MAN1A1: variants seen among roughly 807,000 people sequenced by gnomAD.
The protein encoded by MAN1A1 is mannosyl-oligosaccharide 1,2-alpha-mannosidase IA.
In MAN1A1, 29 loss-of-function variants were observed where a neutral mutation model predicts 70.8. The observed-to-expected ratio is 0.41, with a 90% CI of 0.31 to 0.56. MAN1A1 has a LOEUF of 0.56. Ranked by LOEUF, MAN1A1 falls within the 20% of genes least tolerant of loss-of-function variation. The pLI is 0.29. For synonymous variants in MAN1A1, 349 were observed against 330.1 expected, an observed-to-expected ratio of 1.06 and a Z score of -0.62; for missense variants, 747 against 841.3, an observed-to-expected ratio of 0.89 and a Z score of 1.39.
chr6:119,346,096 ACT>A (rs1773720072), intron 2 of MAN1A1, among the ~76,000 whole-genome samples: 1 of 152,324 alleles, frequency 6.6e-6, no homozygotes, highest in Non-Finnish European at 1.5e-5. Flanking sequence ...ACAGAGCCAG[ACT>A]CTGTCTCCAA....
At chr6:119,335,724 C>T (rs563526044) in intron 2 of MAN1A1, among the ~76,000 whole-genome samples, 1 of 152,274 alleles carries the variant, frequency 6.6e-6, no homozygotes, top group East Asian at 1.9e-4. Context: ...GGATTTTGAG[C>T]AAGTGAGAAG....
rs1773097596 is a variant in MAN1A1 at position 119,179,762 on chromosome 6, G to A, written c.*57C>T. ...ATCATGTGCCTGATTACCAGAAAAG[G>A]AATTATTAAGGTATACAGTGAAGGG... On this transcript the variant is annotated 3_prime_UTR_variant, in exon 13 of 13. Transcript: ENST00000368468. 1 of 1,487,546 alleles carries A rather than the reference G, an allele frequency of 6.7e-7. No individual in the cohort carries two copies. The highest frequency in any genetic ancestry group is 1.4e-5 in the African/African-American group (1 of 71,578). 92.1% of individuals were successfully genotyped at this position (1,487,546 alleles called of 1,614,324 possible).
chr6:119,224,901 G>A (rs1290911886), intron 6 of MAN1A1, among the ~76,000 whole-genome samples: 7 of 152,140 alleles, frequency 4.6e-5, no homozygotes, highest in African/African-American at 1.7e-4. Flanking sequence ...GGCCGAGGTG[G>A]ACAGATCACA....
intron 5 of MAN1A1, among the ~76,000 whole-genome samples, chr6:119,265,808 T>C (rs761310822): frequency 2.0e-5 from 3 of 152,124 alleles, no homozygotes; most frequent in African/African-American, 7.2e-5. Flanking sequence ...ATAAAAGGTA[T>C]ACTGATTAGG....
intron 4 of MAN1A1, among the ~76,000 whole-genome samples, chr6:119,291,114 C>T (rs553289512): frequency 1.1e-4 from 16 of 152,026 alleles, no homozygotes; most frequent in African/African-American, 9.6e-5. Flanking sequence ...GGGATGGACC[C>T]GGTGGGAGAT....
intron 2 of MAN1A1, among the ~76,000 whole-genome samples, chr6:119,315,149 A>AAC (rs1562238998): frequency 6.6e-6 from 1 of 151,956 alleles, no homozygotes. Flanking sequence ...CTGAGTGGAG[A>AAC]ATATATATAT....
At chr6:119,307,026 G>C (rs1772552473) in intron 2 of MAN1A1, 34 bp from the exon 3 acceptor site, 1 of 1,409,734 alleles carries the variant, frequency 7.1e-7, no homozygotes, top group African/African-American at 1.4e-5. Flanking sequence ...ATTATAATTT[G>C]AATGGAGATG....
chr6:119,306,289 T>A (rs1390874868), intron 3 of MAN1A1, among the ~76,000 whole-genome samples: 4 of 152,196 alleles, frequency 2.6e-5, no homozygotes, highest in Non-Finnish European at 5.9e-5. Flanking sequence ...ACCCTTGTGT[T>A]ACTTAGCTTC....
intron 5 of MAN1A1, among the ~76,000 whole-genome samples, chr6:119,274,396 AAGTGCTTTTTGG>A (rs1389064045): frequency 6.6e-6 from 1 of 152,168 alleles, no homozygotes; most frequent in Non-Finnish European, 1.5e-5. Context: ...AGCTATTTCT[AAGTGCTTTTTGG>A]AGTTCTCTAA....
intron 5 of MAN1A1, among the ~76,000 whole-genome samples, chr6:119,277,542 C>T (rs916661213): frequency 5.3e-5 from 8 of 151,980 alleles, no homozygotes; most frequent in African/African-American, 1.9e-4. Flanking sequence ...TAAATCCAGG[C>T]CAGGGGCAGT....
chr6:119,334,087 T>C (rs1239289467), intron 2 of MAN1A1, among the ~76,000 whole-genome samples: 3 of 152,222 alleles, frequency 2.0e-5, no homozygotes, highest in Admixed American at 2.0e-4. Flanking sequence ...TATAACTCTT[T>C]TTTCAATTTA....
chr6:119,196,966 C>G lies in MAN1A1; in HGVS notation c.1211-3074G>C, dbSNP rs534077443. ...ACCGGATACTGCCTTTCAGCCACAA[C>G]TGAGGAGCAGGGGCAACTGCTAAAA... On this transcript the variant is annotated intron_variant, in intron 8 of 12. Transcript: ENST00000368468. 1.4e-4 allele frequency among the ~76,000 whole-genome samples: 21 copies of G among 152,224 alleles called. No homozygotes were observed. The South Asian group carries it at 3.9e-3, about 29-fold the overall frequency.
chr6:119,188,301 G>T, intron 11 of MAN1A1, 104 bp downstream of exon 11: 3 of 1,079,320 alleles, frequency 2.8e-6, no homozygotes, highest in Non-Finnish European at 2.7e-6. Context: ...CCTGGTCGAA[G>T]CATTAAAAAT....
At chr6:119,320,913 C>T (rs530095363) in intron 2 of MAN1A1, among the ~76,000 whole-genome samples, 1 of 152,260 alleles carries the variant, frequency 6.6e-6, no homozygotes, top group African/African-American at 2.4e-5. Context: ...TAACATTAAA[C>T]AGCTTCAGCT....
At chr6:119,307,338 T>C (rs1290625458) in intron 2 of MAN1A1, among the ~76,000 whole-genome samples, 2 of 152,194 alleles carry the variant, frequency 1.3e-5, no homozygotes, top group African/African-American at 4.8e-5. Context: ...TTCATTTTCA[T>C]AACAGATTAA....
In MAN1A1 at chr6:119,188,569, G is replaced by C; in HGVS notation, c.1555C>G (p.Leu519Val). 6.2e-7 allele frequency: 1 copy of C among 1,612,734 alleles called. No homozygotes were observed. Among genetic ancestry groups the C allele is most frequent in the Non-Finnish European group, 8.5e-7 (1 of 1,179,552 alleles). The change falls in exon 11 of 13, where the codon CTG (leucine) becomes GTG (valine). Residue 519 changes from leucine (L) to valine (V), a missense_variant. By Grantham distance (32) the Leu-to-Val change is conservative. Transcript: ENST00000368468. ...HESYNRTFMK[L>V]GPEAFRFDGG... Reference sequence around the variant, plus strand: ...TCAAATCTGAAAGCTTCTGGTCCCAGTTTCATAACTAAAGGACATGGAATG... The same window carrying C: ...TCAAATCTGAAAGCTTCTGGTCCCACTTTCATAACTAAAGGACATGGAATG...
At chr6:119,219,706 C>A (rs1774305046) in intron 6 of MAN1A1, among the ~76,000 whole-genome samples, 1 of 151,608 alleles carries the variant, frequency 6.6e-6, no homozygotes, top group Non-Finnish European at 1.5e-5. Context: ...GTAAGGTATT[C>A]CCAAAATTTA....
intron 5 of MAN1A1, among the ~76,000 whole-genome samples, chr6:119,285,701 A>G (rs1776355823): frequency 6.6e-6 from 1 of 151,110 alleles, no homozygotes; most frequent in Non-Finnish European, 1.5e-5. Flanking sequence ...AGTTCTTTCC[A>G]TATATAAGAA....
chr6:119,178,106 T>C lies in MAN1A1; in HGVS notation c.*1713A>G, dbSNP rs900824825. 1 of 152,116 alleles carries C rather than the reference T, an allele frequency of 6.6e-6. No individual in the cohort carries two copies. Among genetic ancestry groups the C allele is most frequent in the African/African-American group, 2.4e-5 (1 of 41,452 alleles). 9.4% of individuals were successfully genotyped at this position (152,116 alleles called of 1,614,324 possible). The stretch of plus-strand genomic sequence containing the variant: ...GTACGGAAGAGTCTTTTTCATTTAC[T>C]AATTTTACTAATTTATTCTTTGACA... On this transcript the variant is annotated 3_prime_UTR_variant, in exon 13 of 13. Coordinates refer to ENST00000368468, the MANE Select transcript of MAN1A1 (RefSeq NM_005907.4).
Sources: allele counts gnomAD v4.1 joint callset (sites outside exome capture counted in the v4.1 genomes callset), GRCh38; gene constraint gnomAD v4.1.1; transcripts MANE v1.5; gene names NCBI Gene and HGNC (gene_info 2026-07-23, HGNC 2026-07-21).